Variants in IL10RB observed in about 807,000 individuals in gnomAD.
IL10RB encodes the protein interleukin 10 receptor subunit beta.
IL10RB carries 30 observed loss-of-function variants against 38.7 expected under a neutral mutation model. The ratio of observed to expected loss-of-function variants is 0.78; its 90% confidence interval spans 0.58 to 1.05. The LOEUF (loss-of-function observed/expected upper bound fraction) is 1.05. Among genes scored for constraint, IL10RB ranks in the 50% least tolerant of loss-of-function variants. The pLI is 0.00. For synonymous variants in IL10RB, 142 were observed against 145.9 expected, an observed-to-expected ratio of 0.97 and a Z score of 0.19; for missense variants, 328 against 397.1, an observed-to-expected ratio of 0.83 and a Z score of 1.48.
chr21:33,299,417 G>A (rs2082980166), downstream of IL10RB, among the ~76,000 whole-genome samples: 1 of 152,212 alleles, frequency 6.6e-6, no homozygotes, highest in African/African-American at 2.4e-5. Context: ...GAAAACATAT[G>A]TCCAGTTGGT....
Position 33,288,227 on chromosome 21 carries a change from C to G in IL10RB, c.770C>G (p.Ser257Cys), listed in dbSNP as rs1361672013. ...TACAAGAAGACAAAGTACGCCTTCT[C>G]CCCTAGGAATTCTCTTCCACAGCAC... ...CVYKKTKYAFSPRNSLPQHLK... is the reference protein window; with the variant it reads ...CVYKKTKYAFCPRNSLPQHLK... Residue 257 changes from serine to cysteine, a missense_variant, in exon 6 of 7, where the codon TCC (serine) becomes TGC (cysteine). Physicochemically the swap from Ser to Cys is moderately radical, Grantham distance 112. Coordinates refer to ENST00000290200, the MANE Select transcript of IL10RB (RefSeq NM_000628.5). The G allele has an allele frequency of 1.9e-6, 3 of 1,614,050 alleles. No individual in the cohort carries two copies. The highest frequency in any genetic ancestry group is 2.5e-6 in the Non-Finnish European group (3 of 1,179,950).
At chr21:33,304,704 T>C (rs1357490034) in intron 1 of IL10RB, among the ~76,000 whole-genome samples, 1 of 152,230 alleles carries the variant, frequency 6.6e-6, no homozygotes, top group Admixed American at 6.5e-5. Flanking sequence ...AGACGCCTCA[T>C]CATTGCAGGT....
intron 5 of IL10RB, among the ~76,000 whole-genome samples, chr21:33,286,285 T>C (rs1271422018): frequency 4.6e-5 from 7 of 152,242 alleles, no homozygotes; most frequent in Admixed American, 4.6e-4. Context: ...CTTTGATCCC[T>C]GTGTCCCTTT....
At position 33,288,118 on chromosome 21, in the gene IL10RB, T is replaced by C; in HGVS notation, c.661T>C (p.Trp221Arg). Residue 221 changes from tryptophan to arginine, a missense_variant, in exon 6 of 7, where the codon TGG becomes CGG. By Grantham distance (101) the Trp-to-Arg change is moderately radical. Transcript: ENST00000290200. The stretch of plus-strand genomic sequence containing the variant: ...ACCCCTGGCAGAAACGGTCCCCTCC[T>C]GGATGGTGGCCGTCATCCTCATGGC... ...QTTHDETVPS[W>R]MVAVILMASV... 3 of 1,614,114 alleles carry C rather than the reference T, an allele frequency of 1.9e-6. No homozygotes were observed. The highest frequency in any genetic ancestry group is 1.1e-5 in the South Asian group (1 of 91,072).
intron 5 of IL10RB, among the ~76,000 whole-genome samples, 163 bp from the exon 6 acceptor site, chr21:33,287,941 T>G (rs1989404914): frequency 6.6e-6 from 1 of 152,162 alleles, no homozygotes; most frequent in Admixed American, 6.5e-5. Flanking sequence ...AGGGTGAAAC[T>G]CTTCAAAAAC....
chr21:33,270,546 A>G (rs2123564487), intron 2 of IL10RB, among the ~76,000 whole-genome samples: 1 of 149,192 alleles, frequency 6.7e-6, no homozygotes, highest in South Asian at 2.1e-4. Context: ...ACGCCCGGCT[A>G]ATTTTTTTTA....
At chr21:33,277,636 C>T (rs2510317) in intron 3 of IL10RB, among the ~76,000 whole-genome samples, 52,142 of 147,538 alleles carry the variant, frequency 0.35, 9,924 homozygotes, top group Non-Finnish European at 0.44. Context: ...ATCACTTGAG[C>T]CCAGGAATTT....
At chr21:33,287,847 C>G (rs1989403845) in intron 5 of IL10RB, among the ~76,000 whole-genome samples, 1 of 152,154 alleles carries the variant, frequency 6.6e-6, no homozygotes, top group Non-Finnish European at 1.5e-5. Flanking sequence ...GTAGTAGGTA[C>G]AGTGGATCAG....
chr21:33,272,726 G>A (rs375297068), intron 2 of IL10RB, among the ~76,000 whole-genome samples: 44 of 152,324 alleles, frequency 2.9e-4, no homozygotes, highest in African/African-American at 9.6e-4. Context: ...GATTATAGGC[G>A]TGAGCCACTG....
chr21:33,284,551 G>A (rs1238588244), intron 5 of IL10RB, among the ~76,000 whole-genome samples: 4 of 152,126 alleles, frequency 2.6e-5, no homozygotes, highest in African/African-American at 7.2e-5. Flanking sequence ...AGAGAGTGAT[G>A]CACTTTGGAT....
Position 33,288,274 on chromosome 21 carries a change from G to A in IL10RB, c.804+13G>A. ...GCACCTGAAAGAGGTAGGTAGGATG[G>A]AGTGAGATGTGGATTTGAAAACCTT... On this transcript the variant is annotated intron_variant, in intron 6 of 6. Coordinates refer to ENST00000290200, the MANE Select transcript of IL10RB (RefSeq NM_000628.5). 2 of 1,612,608 alleles carry A rather than the reference G, an allele frequency of 1.2e-6. No individual in the cohort carries two copies. Among genetic ancestry groups the A allele is most frequent in the African/African-American group, 1.3e-5 (1 of 74,990 alleles).
chr21:33,303,303 C>T (rs1244773663), intron 1 of IL10RB, among the ~76,000 whole-genome samples: 2 of 151,206 alleles, frequency 1.3e-5, no homozygotes, highest in Non-Finnish European at 2.9e-5. Context: ...GTGGAATCCT[C>T]TTGCTTCTGC....
intron 2 of IL10RB, among the ~76,000 whole-genome samples, chr21:33,271,404 C>T (rs573985081): frequency 3.9e-5 from 6 of 152,116 alleles, no homozygotes; most frequent in South Asian, 2.1e-4. Context: ...CTATTTAATG[C>T]GGGGAGAAGT....
At chr21:33,287,219 G>A (rs1367488002) in intron 5 of IL10RB, among the ~76,000 whole-genome samples, 2 of 152,236 alleles carry the variant, frequency 1.3e-5, no homozygotes, top group African/African-American at 2.4e-5. Context: ...CGCATCAGGG[G>A]CTGGGAAGAA....
chr21:33,271,395 T>C (rs1449044447), intron 2 of IL10RB, among the ~76,000 whole-genome samples: 2 of 152,320 alleles, frequency 1.3e-5, no homozygotes, highest in East Asian at 3.9e-4. Flanking sequence ...TCATATTACC[T>C]ATTTAATGCG....
At chr21:33,301,919 G>A (rs936504840), downstream of IL10RB, among the ~76,000 whole-genome samples, 1 of 152,148 alleles carries the variant, frequency 6.6e-6, no homozygotes, top group Non-Finnish European at 1.5e-5. Flanking sequence ...CCACCTCCTG[G>A]TAGCCACACC....
Position 33,266,461 on chromosome 21 carries a change from C to G in IL10RB, c.-5C>G. 1 of 1,541,612 alleles carries G rather than the reference C, an allele frequency of 6.5e-7. No individual in the cohort carries two copies. The highest frequency in any genetic ancestry group is 8.7e-7 in the Non-Finnish European group (1 of 1,146,720). ...AGGAAGCCGCGGAACCCCCAGCGTC[C>G]GTCCATGGCGTGGAGCCTTGGGAGC... On this transcript the variant is annotated 5_prime_UTR_variant, in exon 1 of 7. Coordinates refer to ENST00000290200, the MANE Select transcript of IL10RB (RefSeq NM_000628.5).
At chr21:33,268,930 C>A (rs1989023944) in intron 2 of IL10RB, among the ~76,000 whole-genome samples, 1 of 152,140 alleles carries the variant, frequency 6.6e-6, no homozygotes, top group South Asian at 2.1e-4. Context: ...TGAGTGGATG[C>A]TACCCAAGAA....
intron 3 of IL10RB, among the ~76,000 whole-genome samples, chr21:33,279,215 T>A (rs8178485): frequency 0.034 from 5,160 of 152,162 alleles, 287 homozygotes; most frequent in African/African-American, 0.12. Flanking sequence ...CAGAGACCCA[T>A]ATGAAGTGAA....
Sources: gnomAD v4.1 joint callset for allele counts (sites outside exome capture counted in the v4.1 genomes callset) on GRCh38, gnomAD v4.1.1 for gene constraint, MANE v1.5 for transcripts, NCBI Gene and HGNC (gene_info 2026-07-23, HGNC 2026-07-21) for gene names.